RNLS: variants seen among roughly 807,000 people sequenced by gnomAD.
RNLS encodes the protein renalase, FAD dependent amine oxidase.
A neutral mutation model predicts 39.8 loss-of-function variants in RNLS; 39 were observed. The ratio of observed to expected loss-of-function variants is 0.98; its 90% CI spans 0.76 to 1.28. RNLS has a LOEUF of 1.28. Ranked by LOEUF, RNLS falls within the 50% of genes most tolerant of loss-of-function variation. The pLI is 0.00. For missense variants in RNLS, 410 were observed against 413.3 expected (o/e 0.99, Z 0.07); for synonymous variants, 147 against 150.7 (o/e 0.98, Z 0.18).
chr10:88,402,028 T>A (rs1050112245), intron 4 of RNLS, among the ~76,000 whole-genome samples: 2 of 151,878 alleles, frequency 1.3e-5, no homozygotes, highest in African/African-American at 4.8e-5. Flanking sequence ...ACTGGAGCAA[T>A]AAGATACAGA....
chr10:88,582,270 A>C lies in RNLS; in HGVS notation c.156T>G (p.Pro52=). Residue 52 remains proline, a synonymous_variant, in exon 2 of 7, where the codon CCT becomes CCG. Transcript: ENST00000331772. ...GAGCACCCAAGTCAGCTGTGCACTG[A>C]GGATTATGAGGACTGCAGGCTGTAG... The part of the protein sequence containing the change: ...RMTTACSPHN[P]QCTADLGAQY... The C allele has an allele frequency of 1.2e-6, 2 of 1,614,082 alleles. No homozygotes were observed. The highest frequency in any genetic ancestry group is 1.7e-6 in the Non-Finnish European group (2 of 1,179,974).
At chr10:88,482,832 T>A (rs1267143906) in intron 4 of RNLS, among the ~76,000 whole-genome samples, 2 of 152,184 alleles carry the variant, frequency 1.3e-5, no homozygotes, top group Non-Finnish European at 2.9e-5. Flanking sequence ...ATTTGTTTTT[T>A]GTTTAGTAAC....
intron 4 of RNLS, among the ~76,000 whole-genome samples, chr10:88,571,381 T>C (rs1461486263): frequency 6.6e-6 from 1 of 152,154 alleles, no homozygotes; most frequent in Non-Finnish European, 1.5e-5. Flanking sequence ...ACTGTGGTAA[T>C]GGTTTTAAGA....
chr10:88,482,582 C>A (rs1386335741), intron 4 of RNLS, among the ~76,000 whole-genome samples: 1 of 151,914 alleles, frequency 6.6e-6, no homozygotes, highest in Non-Finnish European at 1.5e-5. Context: ...TTCTTTAAAT[C>A]TGAATTTTAG....
chr10:88,378,643 A>G (rs1233665878), intron 4 of RNLS, among the ~76,000 whole-genome samples: 2 of 152,166 alleles, frequency 1.3e-5, no homozygotes, highest in Non-Finnish European at 2.9e-5. Context: ...GCCAGGAAGA[A>G]TCTAAACAGA....
rs141162831 is a variant in RNLS at position 88,324,771 on chromosome 10, C to T, written c.701-10130G>A. Among the ~76,000 whole-genome samples the T allele has an allele frequency of 2.8e-3, 433 of 152,298 alleles. 2 individuals are homozygous for T. Among genetic ancestry groups the T allele is most frequent in the African/African-American group, 8.9e-3 (368 of 41,576 alleles). ...TCCTAAACTTTTTCATCTTCCTAAA[C>T]TGAAACTCCATATCCCTTAAACAAT... On this transcript the variant is annotated intron_variant, in intron 5 of 6. Transcript: ENST00000331772.
chr10:88,502,303 G>T (rs1845540657), intron 4 of RNLS, among the ~76,000 whole-genome samples: 1 of 128,660 alleles, frequency 7.8e-6, no homozygotes, highest in African/African-American at 2.8e-5. Context: ...GGTGGGGTAG[G>T]GTTGAATGAG....
At chr10:88,458,262 G>A (rs1268836895) in intron 4 of RNLS, among the ~76,000 whole-genome samples, 1 of 152,202 alleles carries the variant, frequency 6.6e-6, no homozygotes, top group Non-Finnish European at 1.5e-5. Context: ...CAGAACATGT[G>A]TGGCAGAAGC....
chr10:88,449,230 T>C (rs972988034), intron 4 of RNLS, among the ~76,000 whole-genome samples: 2 of 152,258 alleles, frequency 1.3e-5, no homozygotes, highest in African/African-American at 4.8e-5. Flanking sequence ...GATCTATTTA[T>C]TGAATACTAA....
chr10:88,212,032 T>A, the RNLS span, among the ~76,000 whole-genome samples: 1 of 152,160 alleles, frequency 6.6e-6, no homozygotes, highest in East Asian at 1.9e-4. Context: ...ATAATTGCAT[T>A]CCCATCATAC....
the RNLS span, among the ~76,000 whole-genome samples, chr10:88,265,765 A>G: frequency 6.6e-6 from 1 of 152,160 alleles, no homozygotes; most frequent in African/African-American, 2.4e-5. Context: ...AGTCTTCTTT[A>G]GAGTGTTGTT....
intron 4 of RNLS, among the ~76,000 whole-genome samples, chr10:88,471,006 T>C (rs1418470479): frequency 6.6e-6 from 1 of 152,166 alleles, no homozygotes; most frequent in Non-Finnish European, 1.5e-5. Flanking sequence ...CACTGCCTGG[T>C]ATAAATTGTG....
the RNLS span, among the ~76,000 whole-genome samples, chr10:88,264,203 T>C: frequency 6.6e-6 from 1 of 152,190 alleles, no homozygotes; most frequent in African/African-American, 2.4e-5. Flanking sequence ...TACCACAATG[T>C]ATTTTATCCA....
intron 4 of RNLS, among the ~76,000 whole-genome samples, chr10:88,363,377 C>T (rs995999385): frequency 6.6e-6 from 1 of 152,008 alleles, no homozygotes; most frequent in African/African-American, 2.4e-5. Flanking sequence ...ACCTGAGCAT[C>T]CTGCACATGT....
the RNLS span, among the ~76,000 whole-genome samples, chr10:88,265,527 C>A: frequency 1.5e-3 from 223 of 152,048 alleles, no homozygotes; most frequent in Non-Finnish European, 2.0e-3. Flanking sequence ...TGACTTCTTT[C>A]AGCAGTGTTT....
the RNLS span, among the ~76,000 whole-genome samples, chr10:88,183,961 G>T: frequency 6.6e-6 from 1 of 152,094 alleles, no homozygotes; most frequent in Non-Finnish European, 1.5e-5. Context: ...GCACCATTTT[G>T]CTGCAACTGT....
At chr10:88,537,706 G>C (rs1430173153) in intron 4 of RNLS, among the ~76,000 whole-genome samples, 5 of 152,138 alleles carry the variant, frequency 3.3e-5, no homozygotes, top group African/African-American at 4.8e-5. Context: ...CAGGGTGGGA[G>C]AATGGGAGAG....
At chr10:88,340,048 G>C (rs1462852939) in intron 5 of RNLS, among the ~76,000 whole-genome samples, 4 of 152,176 alleles carry the variant, frequency 2.6e-5, no homozygotes, top group Non-Finnish European at 5.9e-5. Flanking sequence ...AGACTTCTTT[G>C]ATTATTCCAG....
chr10:88,543,828 C>A (rs74147216), intron 4 of RNLS, among the ~76,000 whole-genome samples: 1 of 152,080 alleles, frequency 6.6e-6, no homozygotes, highest in African/African-American at 2.4e-5. Flanking sequence ...GATTTGAATC[C>A]TCAAATAAAA....
Sources: allele counts gnomAD v4.1 joint callset (sites outside exome capture counted in the v4.1 genomes callset), GRCh38; gene constraint gnomAD v4.1.1; transcripts MANE v1.5; gene names NCBI Gene and HGNC (gene_info 2026-07-23, HGNC 2026-07-21).